Variants in FDXACB1 observed in about 807,000 individuals in gnomAD.
The protein encoded by FDXACB1 is ferredoxin-fold anticodon-binding domain-containing protein 1.
FDXACB1 carries 41 observed loss-of-function variants against 51.7 expected under a neutral mutation model. The observed-to-expected ratio is 0.79, with a 90% confidence interval of 0.62 to 1.03. FDXACB1 has a LOEUF of 1.03. Ranked by LOEUF, FDXACB1 falls within the 50% of genes least tolerant of loss-of-function variation. FDXACB1 has a pLI of 0.00. For missense variants in FDXACB1, 697 were observed against 746.4 expected (o/e 0.93, Z 0.77); for synonymous variants, 273 against 278.6 (o/e 0.98, Z 0.20).
In FDXACB1 at chr11:111,875,489, TA is replaced by T. The variant is rs782520032; in HGVS notation, c.1307del (p.Leu436Ter). The T allele has an allele frequency of 4.3e-6, 7 of 1,612,486 alleles. No homozygotes were observed. Among genetic ancestry groups the T allele is most frequent in the Non-Finnish European group, 5.9e-6 (7 of 1,179,690 alleles). Reference sequence around the variant, plus strand: ...CATTTGACTGAAGGACAAATTTGACTAAACTGCTCAGCTTAGAGCTCTCCGG... The same window carrying T: ...CATTTGACTGAAGGACAAATTTGACTAACTGCTCAGCTTAGAGCTCTCCGG... ...TLPESSKLSSLVKFVLQSNGK... is the reference protein window; with the variant it reads ...TLPESSKLSSXVKFVLQSNGK... On this transcript the variant is annotated frameshift_variant, in exon 5 of 5. Transcript: ENST00000260257. LOFTEE classifies it high-confidence loss of function.
intron 1 of FDXACB1, 118 bp downstream of exon 1, chr11:111,878,843 T>C (rs1190708162): frequency 8.6e-6 from 13 of 1,509,894 alleles, no homozygotes; most frequent in African/African-American, 1.4e-5. Context: ...TTTATGTGAA[T>C]ATCCGTGGGA....
In FDXACB1 at chr11:111,876,970, G is replaced by T. The variant is rs782021417; in HGVS notation, c.371C>A (p.Ala124Glu). The change falls in exon 3 of 5, where the codon GCA becomes GAA. Residue 124 changes from alanine (A) to glutamate (E), a missense_variant. Ala to Glu is a moderately radical substitution (Grantham distance 107). This residue lies in a region of FDXACB1 where 538 missense variants were observed against 592.2 expected (regional missense o/e 0.91). Transcript: ENST00000260257. ...VLAEEGEVHV[A>E]LCRGQGGTPA... is the part of the protein sequence containing the mutation. ...AGTTCCACCTTGTCCTCTACATAAT[G>T]CCACGTGGACTTCTCCTTCCTCTGC... The T allele has an allele frequency of 6.2e-7, 1 of 1,601,632 alleles. No homozygotes were observed. Among genetic ancestry groups the T allele is most frequent in the Non-Finnish European group, 8.5e-7 (1 of 1,173,520 alleles).
In FDXACB1 at chr11:111,874,329, A is replaced by T. The variant is rs1964761120; in HGVS notation, c.*593T>A. On this transcript the variant is annotated 3_prime_UTR_variant, in exon 5 of 5. Coordinates refer to ENST00000260257, the MANE Select transcript of FDXACB1 (RefSeq NM_138378.3). Reference sequence around the variant, plus strand: ...GCCTGTTCAACAATAGAGCATCTAAAGTACAAGATGCTGTTTTGTTTATTG... The same window carrying T: ...GCCTGTTCAACAATAGAGCATCTAATGTACAAGATGCTGTTTTGTTTATTG... 6.6e-6 allele frequency: 1 copy of T among 152,362 alleles called. No individual in the cohort carries two copies. The highest frequency in any genetic ancestry group is 6.5e-5 in the Admixed American group (1 of 15,286). The allele number at this position is 152,362 out of a possible 1,614,324, so 9.4% of individuals were successfully genotyped here. A position where few individuals can be genotyped will look rare whatever the true frequency, so the allele number is the denominator to read the frequency against.
intron 2 of FDXACB1, among the ~76,000 whole-genome samples, chr11:111,878,194 AAAATAAAAAT>A (rs1964861688): frequency 6.6e-6 from 1 of 152,096 alleles, no homozygotes; most frequent in Non-Finnish European, 1.5e-5. Flanking sequence ...TCTGTCTCAA[AAAATAAAAAT>A]AAATAAAAAT....
At position 111,875,560 on chromosome 11, in the gene FDXACB1, C is replaced by A. The variant is rs150357037; in HGVS notation, c.1237G>T (p.Asp413Tyr). Residue 413 changes from aspartate (D) to tyrosine (Y), a missense_variant, in exon 5 of 5, where the codon GAT (aspartate) becomes TAT (tyrosine). By Grantham distance (160) the Asp-to-Tyr change is radical. This residue lies in a region of FDXACB1 where 538 missense variants were observed against 592.2 expected (regional missense o/e 0.91). Coordinates refer to ENST00000260257, the MANE Select transcript of FDXACB1 (RefSeq NM_138378.3). ...CTATCTAGAATGCCCTTCAGATGAT[C>A]CAGCAGTGATTGAAGACAGCCATCC... ...LKDGCLQSLL[D>Y]HLKGILDSLL... 134 of 1,611,270 alleles carry A rather than the reference C, an allele frequency of 8.3e-5. 1 individual carries two copies. In the African/African-American group the frequency reaches 1.6e-3, roughly 19 times the overall value.
Position 111,875,707 on chromosome 11 carries a change from A to T in FDXACB1, c.1090T>A (p.Phe364Ile). The change falls in exon 5 of 5, where the codon TTC becomes ATC. Residue 364 changes from phenylalanine to isoleucine, a missense_variant. By Grantham distance (21) the Phe-to-Ile change is conservative. Transcript: ENST00000260257. ...AGGATGTGCAGAGAACCTGAGAGGA[A>T]GTCTGGTACTTCGATGACATCCTGA... is the stretch of plus-strand genomic sequence containing the variant. ...HVQDVIEVPD[F>I]LSGSLHILSG... The T allele has an allele frequency of 2.5e-6, 4 of 1,613,678 alleles. No individual in the cohort carries two copies. The highest frequency in any genetic ancestry group is 2.5e-6 in the Non-Finnish European group (3 of 1,179,882).
chr11:111,878,937 T>C, intron 1 of FDXACB1, 24 bp downstream of exon 1: 4 of 1,585,842 alleles, frequency 2.5e-6, no homozygotes, highest in Non-Finnish European at 3.4e-6. Context: ...TGGGCGGGGT[T>C]TCGCAGAGGG....
chr11:111,875,575 G>A lies in FDXACB1; in HGVS notation c.1222C>T (p.Leu408Phe). 6.2e-7 allele frequency: 1 copy of A among 1,611,882 alleles called. No individual in the cohort carries two copies. The highest frequency in any genetic ancestry group is 8.5e-7 in the Non-Finnish European group (1 of 1,179,606). The change falls in exon 5 of 5, where the codon CTT (leucine) becomes TTT (phenylalanine). Residue 408 changes from leucine to phenylalanine, a missense_variant. Transcript: ENST00000260257. ...GVNQNLKDGCLQSLLDHLKGI... is the reference protein window; with the variant it reads ...GVNQNLKDGCFQSLLDHLKGI... ...TTCAGATGATCCAGCAGTGATTGAA[G>A]ACAGCCATCCTTCAGATTTTGATTA...
In FDXACB1 at chr11:111,875,218, T is replaced by C; in HGVS notation, c.1579A>G (p.Lys527Glu). The C allele has an allele frequency of 2.5e-6, 4 of 1,613,924 alleles. No individual in the cohort carries two copies. Among genetic ancestry groups the C allele is most frequent in the Non-Finnish European group, 3.4e-6 (4 of 1,179,884 alleles). The change falls in exon 5 of 5, where the codon AAA (lysine) becomes GAA (glutamate). Residue 527 changes from lysine to glutamate, a missense_variant. This residue lies in a region of FDXACB1 where 538 missense variants were observed against 592.2 expected (regional missense o/e 0.91). Coordinates refer to ENST00000260257, the MANE Select transcript of FDXACB1 (RefSeq NM_138378.3). ...NFVPGKIEPF[K>E]SHSLYPPCYV... Reference sequence around the variant, plus strand: ...CATGGAGGATACAGAGAATGACTTTTAAAGGGTTCTATTTTGCCAGGGACA... The same window carrying C: ...CATGGAGGATACAGAGAATGACTTTCAAAGGGTTCTATTTTGCCAGGGACA...
chr11:111,875,169 C>A lies in FDXACB1; in HGVS notation c.1628G>T (p.Trp543Leu), dbSNP rs1555161879. The change falls in exon 5 of 5, where the codon TGG becomes TTG. Residue 543 changes from tryptophan to leucine, a missense_variant. This residue lies in a region of FDXACB1 where 538 missense variants were observed against 592.2 expected (regional missense o/e 0.91). Transcript: ENST00000260257. ...PPCYVHDVSF[W>L]IDQKKGFDEL... is the part of the protein sequence containing the mutation. ...ATCAAATCCTTTCTTCTGATCTATC[C>A]AAAAACTAACATCATGCACATAACA... The A allele has an allele frequency of 1.2e-6, 2 of 1,613,652 alleles. No individual in the cohort carries two copies. The highest frequency in any genetic ancestry group is 8.5e-7 in the Non-Finnish European group (1 of 1,179,878).
At position 111,875,097 on chromosome 11, in the gene FDXACB1, A is replaced by G. The variant is rs376050297; in HGVS notation, c.1700T>C (p.Ile567Thr). 114 of 1,613,830 alleles carry G rather than the reference A, an allele frequency of 7.1e-5. No individual in the cohort carries two copies. Among genetic ancestry groups the G allele is most frequent in the Middle Eastern group, 3.3e-4 (2 of 6,084 alleles). ...TVARAVSQDTIISIQFLSRFQ... is the reference protein window; with the variant it reads ...TVARAVSQDTTISIQFLSRFQ... ...ACGGCTAAGAAACTGTATGGATATA[A>G]TAGTGTCCTGAGACACTGCTCGGGC... Residue 567 changes from isoleucine to threonine, a missense_variant, in exon 5 of 5, where the codon ATT becomes ACT. Transcript: ENST00000260257.
At position 111,876,491 on chromosome 11, in the gene FDXACB1, T is replaced by C; in HGVS notation, c.682A>G (p.Lys228Glu). 12 of 1,613,232 alleles carry C rather than the reference T, an allele frequency of 7.4e-6. No homozygotes were observed. The highest frequency in any genetic ancestry group is 1.0e-5 in the Non-Finnish European group (12 of 1,179,616). ...SFPEPEALVGKLNRGFLEAPS... is the reference protein window; with the variant it reads ...SFPEPEALVGELNRGFLEAPS... Reference sequence around the variant, plus strand: ...AAAATAACTGGTTACCTGTTCAACTTTCCTACAAGTGCTTCTGGTTCTGGA... The same window carrying C: ...AAAATAACTGGTTACCTGTTCAACTCTCCTACAAGTGCTTCTGGTTCTGGA... Residue 228 changes from lysine to glutamate, a missense_variant, in exon 4 of 5, where the codon AAG (lysine) becomes GAG (glutamate). Physicochemically the swap from Lys to Glu is moderately conservative, Grantham distance 56 (BLOSUM62 1). This residue lies in a region of FDXACB1 where 538 missense variants were observed against 592.2 expected (regional missense o/e 0.91). Coordinates refer to ENST00000260257, the MANE Select transcript of FDXACB1 (RefSeq NM_138378.3).
intron 2 of FDXACB1, among the ~76,000 whole-genome samples, chr11:111,877,489 T>G (rs1555162346): frequency 6.6e-6 from 1 of 150,858 alleles, no homozygotes; most frequent in Non-Finnish European, 1.5e-5. Context: ...CAGTTCACAA[T>G]AATTTTATGA....
In FDXACB1 at chr11:111,877,094, G is replaced by T. The variant is rs575771167; in HGVS notation, c.330-83C>A. On this transcript the variant is annotated intron_variant, in intron 2 of 4. Coordinates refer to ENST00000260257, the MANE Select transcript of FDXACB1 (RefSeq NM_138378.3). ...GGAGTTGGCAACATACACATGGTTT[G>T]CCTGTGAAATAATTAAAATCCAATC... The T allele has an allele frequency of 1.7e-5, 23 of 1,343,802 alleles. No homozygotes were observed. In the African/African-American group the frequency reaches 2.9e-4, roughly 17 times the overall value. The allele number at this position is 1,343,802 out of a possible 1,614,324, so 83.2% of individuals were successfully genotyped here.
chr11:111,876,686 CA>C (rs782148713), intron 3 of FDXACB1, 47 bp from the exon 4 acceptor site: 11 of 1,595,518 alleles, frequency 6.9e-6, no homozygotes, highest in Non-Finnish European at 9.4e-6. Context: ...TTAAAATAAG[CA>C]AGTATTTTTA....
intron 1 of FDXACB1, 27 bp downstream of exon 1, chr11:111,878,934 G>T (rs946137663): frequency 6.9e-6 from 11 of 1,584,122 alleles, no homozygotes; most frequent in Non-Finnish European, 9.4e-6. Context: ...CGCTGGGCGG[G>T]GTTTCGCAGA....
chr11:111,876,264 G>A (rs1964814128), intron 4 of FDXACB1, among the ~76,000 whole-genome samples, 160 bp from the exon 5 acceptor site: 1 of 152,206 alleles, frequency 6.6e-6, no homozygotes, highest in African/African-American at 2.4e-5. Context: ...AGAAACAGAC[G>A]TGTATTTCAG....
intron 1 of FDXACB1, 65 bp downstream of exon 1, chr11:111,878,896 C>A (rs782269440): frequency 2.6e-6 from 4 of 1,551,016 alleles, no homozygotes; most frequent in Admixed American, 2.0e-5. Flanking sequence ...CCCACGCCCC[C>A]ACCCTTTCCA....
chr11:111,877,153 AAATGCAAAG>A, intron 2 of FDXACB1, 142 bp from the exon 3 acceptor site: 1 of 780,620 alleles, frequency 1.3e-6, no homozygotes, highest in Non-Finnish European at 2.0e-6. Context: ...AGACCTCAAA[AAATGCAAAG>A]AAAGTAGCTG....
Sources: allele counts gnomAD v4.1 joint callset (sites outside exome capture counted in the v4.1 genomes callset), GRCh38; gene constraint gnomAD v4.1.1; regional missense constraint gnomAD v4.1.1; transcripts MANE v1.5; gene names NCBI Gene and HGNC (gene_info 2026-07-23, HGNC 2026-07-21).